Variants in TMCC1 observed in about 807,000 individuals in gnomAD.
TMCC1 encodes the protein transmembrane and coiled-coil domains protein 1.
TMCC1 carries 15 observed loss-of-function variants against 52.4 expected under a neutral mutation model. That is an observed-to-expected ratio of 0.29 (90% CI 0.19 to 0.44). The LOEUF (loss-of-function observed/expected upper bound fraction) is 0.44, where lower values mean the gene tolerates loss of function less well. TMCC1 is among the 20% of genes least tolerant of loss of function. The pLI is 1.00. For synonymous variants in TMCC1, 279 were observed against 301.9 expected, an observed-to-expected ratio of 0.92 and a Z score of 0.79; for missense variants, 503 against 806.0, an observed-to-expected ratio of 0.62 and a Z score of 4.55.
In TMCC1 at chr3:129,650,331, C is replaced by T. The variant is rs1157775091; in HGVS notation, c.*1150G>A. The T allele has an allele frequency of 6.6e-6, 1 of 151,750 alleles. No individual in the cohort carries two copies. The highest frequency in any genetic ancestry group is 1.5e-5 in the Non-Finnish European group (1 of 67,978). 9.4% of individuals were successfully genotyped at this position (151,750 alleles called of 1,614,324 possible). A position where few individuals can be genotyped will look rare whatever the true frequency, so the allele number is the denominator to read the frequency against. ...TACTACACTGGTTTTTGGAAACAGC[C>T]TCCTGCTCTCCTTGCACAACCCTTT... On this transcript the variant is annotated 3_prime_UTR_variant, in exon 7 of 7. Coordinates refer to ENST00000393238, the MANE Select transcript of TMCC1 (RefSeq NM_001017395.5).
intron 4 of TMCC1, chr3:129,688,700 G>C: frequency 1.0e-6 from 1 of 985,438 alleles, no homozygotes; most frequent in African/African-American, 1.7e-5. Flanking sequence ...GTGTGTGCGC[G>C]CGCACGCAGT....
chr3:129,803,107 C>T (rs781379412), intron 4 of TMCC1, among the ~76,000 whole-genome samples: 4 of 152,178 alleles, frequency 2.6e-5, no homozygotes, highest in Non-Finnish European at 5.9e-5. Flanking sequence ...AATTCATTCA[C>T]GAGGGCAGAG....
intron 4 of TMCC1, among the ~76,000 whole-genome samples, chr3:129,778,103 C>T (rs1341332646): frequency 1.3e-5 from 2 of 152,180 alleles, no homozygotes; most frequent in Admixed American, 6.5e-5. Flanking sequence ...ACTGCTAGTT[C>T]TTTTGTCCAG....
intron 5 of TMCC1, 123 bp downstream of exon 5, chr3:129,670,200 TCTTATGA>T (rs2087803257): frequency 2.2e-6 from 2 of 915,518 alleles, no homozygotes; most frequent in Non-Finnish European, 3.3e-6. Context: ...CATGTGGATG[TCTTATGA>T]CATACCGAAA....
At chr3:129,731,464 G>C (rs1221385118) in intron 4 of TMCC1, among the ~76,000 whole-genome samples, 1 of 152,156 alleles carries the variant, frequency 6.6e-6, no homozygotes, top group Non-Finnish European at 1.5e-5. Flanking sequence ...TGTAATCCCA[G>C]CTACTTGGGA....
chr3:129,824,952 G>A (rs1253396325), intron 4 of TMCC1, among the ~76,000 whole-genome samples: 1 of 152,054 alleles, frequency 6.6e-6, no homozygotes, highest in Non-Finnish European at 1.5e-5. Flanking sequence ...CACTTCCACA[G>A]TTATCAATTC....
intron 4 of TMCC1, among the ~76,000 whole-genome samples, chr3:129,813,451 A>G (rs1009713740): frequency 1.3e-5 from 2 of 152,234 alleles, no homozygotes; most frequent in Non-Finnish European, 2.9e-5. Flanking sequence ...AATGTGGTAC[A>G]TGTACACCAC....
chr3:129,818,604 G>T (rs980656481), intron 4 of TMCC1, among the ~76,000 whole-genome samples: 1 of 107,104 alleles, frequency 9.3e-6, no homozygotes, highest in African/African-American at 3.8e-5. Context: ...AAGTTTTAAA[G>T]AAACTTTTAA....
At chr3:129,803,110 G>C (rs1037956060) in intron 4 of TMCC1, among the ~76,000 whole-genome samples, 2 of 152,150 alleles carry the variant, frequency 1.3e-5, no homozygotes, top group Non-Finnish European at 2.9e-5. Flanking sequence ...TCATTCACGA[G>C]GGCAGAGCCC....
chr3:129,854,060 A>G (rs905847004), intron 2 of TMCC1, among the ~76,000 whole-genome samples: 1 of 152,124 alleles, frequency 6.6e-6, no homozygotes, highest in African/African-American at 2.4e-5. Flanking sequence ...CCACTCTGGT[A>G]CCCCTTCAAG....
Position 129,687,147 on chromosome 3 carries a change from C to T in TMCC1, c.577-15883G>A, listed in dbSNP as rs116583127. 4.6e-3 allele frequency among the ~76,000 whole-genome samples: 693 copies of T among 152,242 alleles called. 8 individuals carry two copies. Among genetic ancestry groups the T allele is most frequent in the African/African-American group, 0.016 (659 of 41,536 alleles). On this transcript the variant is annotated intron_variant, in intron 4 of 6. Transcript: ENST00000393238. ...TGGAGAGTTGTATTTACAAGGCTTACATAACCAATGAGTCAGCAAAAAGTC... is the reference window on the plus strand; with the variant it reads ...TGGAGAGTTGTATTTACAAGGCTTATATAACCAATGAGTCAGCAAAAAGTC...
chr3:129,866,846 T>C (rs955541847), intron 2 of TMCC1, among the ~76,000 whole-genome samples: 4 of 152,220 alleles, frequency 2.6e-5, no homozygotes, highest in Non-Finnish European at 4.4e-5. Flanking sequence ...GTTTGTCACA[T>C]GCTACAGATT....
At chr3:129,792,661 A>AT (rs1268576494) in intron 4 of TMCC1, among the ~76,000 whole-genome samples, 1 of 152,116 alleles carries the variant, frequency 6.6e-6, no homozygotes. Context: ...AATTAAAAAT[A>AT]TTTTTTCAGT....
At position 129,647,946 on chromosome 3, in the gene TMCC1, G is replaced by A. The variant is rs1217717341; in HGVS notation, c.*3535C>T. 1 of 152,668 alleles carries A rather than the reference G, an allele frequency of 6.6e-6. No homozygotes were observed. Among genetic ancestry groups the A allele is most frequent in the African/African-American group, 2.4e-5 (1 of 41,458 alleles). The allele number at this position is 152,668 out of a possible 1,614,324, so 9.5% of individuals were successfully genotyped here. Reference sequence around the variant, plus strand: ...TGTTAACGTTCACACGTTCACAAGTGTCATTTCTTTACGTTTCAATTCGTG... The same window carrying A: ...TGTTAACGTTCACACGTTCACAAGTATCATTTCTTTACGTTTCAATTCGTG... On this transcript the variant is annotated 3_prime_UTR_variant, in exon 7 of 7. Coordinates refer to ENST00000393238, the MANE Select transcript of TMCC1 (RefSeq NM_001017395.5).
chr3:129,841,530 C>T (rs2059422614), intron 2 of TMCC1, among the ~76,000 whole-genome samples: 1 of 152,110 alleles, frequency 6.6e-6, no homozygotes, highest in Non-Finnish European at 1.5e-5. Context: ...TTGCAGTGAG[C>T]CAAGATCGTG....
chr3:129,686,354 G>T (rs929386122), intron 4 of TMCC1, among the ~76,000 whole-genome samples: 1 of 151,994 alleles, frequency 6.6e-6, no homozygotes, highest in South Asian at 2.1e-4. Flanking sequence ...CGCCCGCCTC[G>T]GCCTCCCAAA....
chr3:129,861,648 A>C (rs1035837721), intron 2 of TMCC1, among the ~76,000 whole-genome samples: 6 of 152,226 alleles, frequency 3.9e-5, no homozygotes, highest in Non-Finnish European at 8.8e-5. Flanking sequence ...TCATTAAGGA[A>C]ATACAAATAA....
chr3:129,692,381 T>C (rs1282740046), intron 4 of TMCC1, among the ~76,000 whole-genome samples: 1 of 152,358 alleles, frequency 6.6e-6, no homozygotes, highest in Admixed American at 6.5e-5. Flanking sequence ...TAAATGGAGC[T>C]AATTAATAGT....
rs771506179 is a variant in TMCC1, at chr3:129,828,368, G to A, written c.11C>T (p.Ser4Leu). 1.2e-5 allele frequency: 19 copies of A among 1,613,318 alleles called. No homozygotes were observed. Among genetic ancestry groups the A allele is most frequent in the East Asian group, 8.9e-5 (4 of 44,878 alleles). Reference sequence around the variant, plus strand: ...GTCCTCAAATAACTGTTCACTGCCCGAAGGCTCCATCAGTAGACTTAATAT... The same window carrying A: ...GTCCTCAAATAACTGTTCACTGCCCAAAGGCTCCATCAGTAGACTTAATAT... MEP[S>L]GSEQLFEDPD... The change falls in exon 4 of 7, where the codon TCG (serine) becomes TTG (leucine). Residue 4 changes from serine (S) to leucine (L), a missense_variant. Ser to Leu is a moderately radical substitution (Grantham distance 145). Coordinates refer to ENST00000393238, the MANE Select transcript of TMCC1 (RefSeq NM_001017395.5). This position sits in a 1 kb window ranked among gnomAD's most constrained non-coding sequence, Gnocchi z 4.1.
Sources: gnomAD v4.1 joint callset for allele counts (sites outside exome capture counted in the v4.1 genomes callset) on GRCh38, gnomAD v4.1.1 for gene constraint, Gnocchi (gnomAD v3.1) non-coding constraint, MANE v1.5 for transcripts, NCBI Gene and HGNC (gene_info 2026-07-23, HGNC 2026-07-21) for gene names.